Variants in NMNAT2 observed in about 807,000 individuals in gnomAD.
NMNAT2 encodes the protein nicotinamide nucleotide adenylyltransferase 2, also known as nicotinamide/nicotinic acid mononucleotide adenylyltransferase 2.
In NMNAT2, 11 loss-of-function variants were observed where a neutral mutation model predicts 41.6. The ratio of observed to expected loss-of-function variants is 0.26; its 90% CI spans 0.17 to 0.44. NMNAT2 has a LOEUF of 0.44. Ranked by LOEUF, NMNAT2 falls within the 20% of genes least tolerant of loss-of-function variation. NMNAT2 has a pLI of 1.00. For synonymous variants in NMNAT2, 148 were observed against 151.2 expected, an observed-to-expected ratio of 0.98 and a Z score of 0.16; for missense variants, 288 against 407.7, an observed-to-expected ratio of 0.71 and a Z score of 2.53.
At chr1:183,371,595 C>T (rs1433646289) in intron 1 of NMNAT2, among the ~76,000 whole-genome samples, 2 of 152,106 alleles carry the variant, frequency 1.3e-5, no homozygotes, top group Non-Finnish European at 2.9e-5. Context: ...TGTGCCTTCT[C>T]TCAATTTTAC....
chr1:183,393,582 A>C (rs577640376), intron 1 of NMNAT2, among the ~76,000 whole-genome samples: 119 of 152,188 alleles, frequency 7.8e-4, no homozygotes, highest in African/African-American at 2.8e-3. Context: ...TAGAGACGGA[A>C]TCTTACTCTG....
chr1:183,286,550 T>C lies in NMNAT2; in HGVS notation c.448+112A>G, dbSNP rs140260710. ...CCTTATTAAAAATACAAGTCCTCTT[T>C]CCCCTCTCAGACCTACTGAATCAAG... On this transcript the variant is annotated intron_variant, in intron 5 of 10. Transcript: ENST00000287713. 1.2e-3 allele frequency: 986 copies of C among 851,776 alleles called. 1 individual carries two copies. The highest frequency in any genetic ancestry group is 2.3e-3 in the Admixed American group (75 of 32,242). 52.8% of individuals were successfully genotyped at this position (851,776 alleles called of 1,614,324 possible).
intron 1 of NMNAT2, among the ~76,000 whole-genome samples, chr1:183,396,104 C>T (rs1648630596): frequency 6.6e-6 from 1 of 152,186 alleles, no homozygotes; most frequent in South Asian, 2.1e-4. Flanking sequence ...CAGAGCAGTG[C>T]CAGCCTTTCT....
Position 183,252,434 on chromosome 1 carries a change from C to A in NMNAT2, c.*207G>T. The A allele has an allele frequency of 3.4e-5, 12 of 347,936 alleles. No individual in the cohort carries two copies. The highest frequency in any genetic ancestry group is 4.5e-5 in the South Asian group (2 of 44,568). The allele number at this position is 347,936 out of a possible 1,614,324, so 21.6% of individuals were successfully genotyped here. A position where few individuals can be genotyped will look rare whatever the true frequency, so the allele number is the denominator to read the frequency against. On this transcript the variant is annotated 3_prime_UTR_variant, in exon 11 of 11. Coordinates refer to ENST00000287713, the MANE Select transcript of NMNAT2 (RefSeq NM_015039.4). ...ACCCCATTCCCTCACCCACCCCCAA[C>A]CCGGAGACTAGAGGAAAGTCTGTCC...
At chr1:183,368,684 C>T (rs1334488128) in intron 1 of NMNAT2, among the ~76,000 whole-genome samples, 2 of 152,172 alleles carry the variant, frequency 1.3e-5, no homozygotes, top group African/African-American at 4.8e-5. Context: ...CTTCTTGCCT[C>T]CCTATTGACA....
At chr1:183,401,429 G>A (rs1648804846) in intron 1 of NMNAT2, among the ~76,000 whole-genome samples, 1 of 152,208 alleles carries the variant, frequency 6.6e-6, no homozygotes, top group Admixed American at 6.5e-5. Flanking sequence ...GTGCTGGAGA[G>A]GATGTGGAGA....
In NMNAT2 at chr1:183,280,852, TC is replaced by T. The variant is rs1186519554; in HGVS notation, c.575-2224del. On this transcript the variant is annotated intron_variant, in intron 7 of 10. Transcript: ENST00000287713. ...CAGGCTGGAGTGCAATGGCGTGATC[TC>T]CGGCTCACCGCAACCTCCGCCTCCT... Among the ~76,000 whole-genome samples, 16 of 129,988 alleles carry T rather than the reference TC, an allele frequency of 1.2e-4. 1 individual carries two copies. Among genetic ancestry groups the T allele is most frequent in the Non-Finnish European group, 2.4e-4 (15 of 63,382 alleles). The allele number at this position is 129,988 out of a possible 152,430, so 85.3% of individuals were successfully genotyped here. A position where few individuals can be genotyped will look rare whatever the true frequency, so the allele number is the denominator to read the frequency against.
At chr1:183,272,791 C>T (rs1371451632) in intron 8 of NMNAT2, among the ~76,000 whole-genome samples, 1 of 152,214 alleles carries the variant, frequency 6.6e-6, no homozygotes, top group Non-Finnish European at 1.5e-5. Flanking sequence ...CAGGCTTTCT[C>T]CCCAGACCCA....
intron 1 of NMNAT2, among the ~76,000 whole-genome samples, chr1:183,390,929 C>T (rs572823908): frequency 6.6e-6 from 1 of 152,248 alleles, no homozygotes; most frequent in East Asian, 1.9e-4. Flanking sequence ...GGGTGATGCA[C>T]GTGAGTTTCA....
intron 1 of NMNAT2, among the ~76,000 whole-genome samples, chr1:183,381,261 G>A (rs998580332): frequency 6.6e-6 from 1 of 152,176 alleles, no homozygotes; most frequent in Non-Finnish European, 1.5e-5. Flanking sequence ...ACCTCTGCAA[G>A]CAGAGAAAGT....
At chr1:183,397,491 A>G (rs566412066) in intron 1 of NMNAT2, among the ~76,000 whole-genome samples, 1 of 152,350 alleles carries the variant, frequency 6.6e-6, no homozygotes, top group Admixed American at 6.5e-5. Context: ...AACACTCTGC[A>G]GGATATTATC....
At chr1:183,414,156 G>C (rs1262564582) in intron 1 of NMNAT2, among the ~76,000 whole-genome samples, 1 of 152,182 alleles carries the variant, frequency 6.6e-6, no homozygotes, top group Non-Finnish European at 1.5e-5. Flanking sequence ...AGTTTTTGGA[G>C]TCATGGATTT....
chr1:183,393,458 C>T (rs1648540140), intron 1 of NMNAT2, among the ~76,000 whole-genome samples: 1 of 151,256 alleles, frequency 6.6e-6, no homozygotes, highest in Non-Finnish European at 1.5e-5. Flanking sequence ...AGGACCATGG[C>T]TGCTACACAG....
chr1:183,289,858 C>T (rs1167435654), intron 4 of NMNAT2, among the ~76,000 whole-genome samples: 1 of 152,250 alleles, frequency 6.6e-6, no homozygotes, highest in Admixed American at 6.5e-5. Flanking sequence ...AGCTGCCCAC[C>T]ATACCCAGCA....
At chr1:183,304,771 C>T (rs1236108856) in intron 1 of NMNAT2, 2 of 1,613,388 alleles carry the variant, frequency 1.2e-6, no homozygotes, top group Non-Finnish European at 1.7e-6. Context: ...CCACTACTTG[C>T]AGCCCTGTGC....
chr1:183,256,344 G>A lies in NMNAT2; in HGVS notation c.822-3601C>T, dbSNP rs934142226. ...GAATCACGTGAACCCAGGAGGCGGA[G>A]GTTGCAGTGAGCAGAGATTGTGCCA... On this transcript the variant is annotated intron_variant, in intron 10 of 10. Transcript: ENST00000287713. Among the ~76,000 whole-genome samples, 3 of 152,122 alleles carry A rather than the reference G, an allele frequency of 2.0e-5. No homozygotes were observed. In the East Asian group the frequency reaches 5.8e-4, roughly 29 times the overall value.
chr1:183,253,514 C>T (rs1301301601), intron 10 of NMNAT2, among the ~76,000 whole-genome samples: 3 of 152,220 alleles, frequency 2.0e-5, no homozygotes, highest in African/African-American at 4.8e-5. Flanking sequence ...CCTCATGTCA[C>T]ACATTAGATC....
At position 183,272,325 on chromosome 1, in the gene NMNAT2, T is replaced by A. The variant is rs182054341; in HGVS notation, c.651+6228A>T. On this transcript the variant is annotated intron_variant, in intron 8 of 10. Coordinates refer to ENST00000287713, the MANE Select transcript of NMNAT2 (RefSeq NM_015039.4). ...AGAGACTAGTTCTCCAATAAAGAAC[T>A]CGGGAATGCAGTGGGGTGGCAGGAG... Among the ~76,000 whole-genome samples, 454 of 152,288 alleles carry A rather than the reference T, an allele frequency of 3.0e-3. 5 individuals carry two copies. Among genetic ancestry groups the A allele is most frequent in the African/African-American group, 0.01 (421 of 41,568 alleles).
intron 8 of NMNAT2, among the ~76,000 whole-genome samples, chr1:183,267,948 T>C (rs1248911822): frequency 6.6e-6 from 1 of 152,282 alleles, no homozygotes; most frequent in African/African-American, 2.4e-5. Context: ...CACTGGCATA[T>C]GTCGAGCCTC....
Sources: gnomAD v4.1 joint callset for allele counts (sites outside exome capture counted in the v4.1 genomes callset) on GRCh38, gnomAD v4.1.1 for gene constraint, MANE v1.5 for transcripts, NCBI Gene and HGNC (gene_info 2026-07-23, HGNC 2026-07-21) for gene names.